Variants in TBXAS1 observed in about 807,000 individuals in gnomAD.
The protein encoded by TBXAS1 is thromboxane A synthase 1.
A neutral mutation model predicts 60.7 loss-of-function variants in TBXAS1; 48 were observed. That is an observed-to-expected ratio of 0.79 (90% CI 0.63 to 1.01). TBXAS1 has a LOEUF of 1.01. TBXAS1 is among the 50% of genes least tolerant of loss of function. The probability of loss-of-function intolerance (pLI) is 0.00; values close to 1 mark genes in which losing one functional copy is unlikely to be tolerated. For missense variants in TBXAS1, 685 were observed against 686.3 expected (o/e 1.00, Z 0.02); for synonymous variants, 287 against 269.7 (o/e 1.06, Z -0.63).
intron 1 of TBXAS1, among the ~76,000 whole-genome samples, chr7:139,842,683 G>C (rs1297983470): frequency 6.6e-6 from 1 of 152,238 alleles, no homozygotes; most frequent in East Asian, 1.9e-4. Context: ...GTAGGGGGGT[G>C]TTAGCTGATA....
intron 5 of TBXAS1, among the ~76,000 whole-genome samples, chr7:139,938,153 G>A (rs534442368): frequency 1.4e-3 from 211 of 152,272 alleles, no homozygotes; most frequent in African/African-American, 5.0e-3. Context: ...ATCGGGGCTG[G>A]CCCGCGGCCC....
intron 9 of TBXAS1, among the ~76,000 whole-genome samples, chr7:139,984,591 CA>C (rs1406412882): frequency 1.4e-5 from 1 of 71,474 alleles, no homozygotes; most frequent in African/African-American, 5.5e-5. Context: ...TCCTAGGGAT[CA>C]AAAATAAAAA....
chr7:139,910,012 C>T lies in TBXAS1; in HGVS notation c.237-1213C>T, dbSNP rs117967047. On this transcript the variant is annotated intron_variant, in intron 3 of 12. Transcript: ENST00000448866. ...TCCTTTGTCACCCCTTATTCCTGGACTAACTTTTGCTCATCTTCCAGAACT... is the reference window on the plus strand; with the variant it reads ...TCCTTTGTCACCCCTTATTCCTGGATTAACTTTTGCTCATCTTCCAGAACT... Among the ~76,000 whole-genome samples, 1,177 of 152,278 alleles carry T rather than the reference C, an allele frequency of 7.7e-3. 15 individuals carry two copies. The highest frequency in any genetic ancestry group is 0.031 in the Middle Eastern group (9 of 294).
chr7:139,993,892 C>CTTTTTTTTTTTTTT (rs71170931), intron 9 of TBXAS1, among the ~76,000 whole-genome samples: 13 of 111,696 alleles, frequency 1.2e-4, no homozygotes, highest in Non-Finnish European at 1.9e-4. Flanking sequence ...TTCTTTCTTT[C>CTTTTTTTTTTTTTT]TTTTTTTTTT....
At chr7:140,010,767 G>C (rs73734178) in intron 10 of TBXAS1, among the ~76,000 whole-genome samples, 13,361 of 152,202 alleles carry the variant, frequency 0.088, 1,031 homozygotes, top group African/African-American at 0.21. Context: ...TCATAACAGA[G>C]AGGGAGCAGC....
intron 1 of TBXAS1, among the ~76,000 whole-genome samples, chr7:139,844,037 T>C (rs1799640789): frequency 6.6e-6 from 1 of 152,246 alleles, no homozygotes; most frequent in South Asian, 2.1e-4. Context: ...TGGTGTGCTA[T>C]GGATAACATT....
At chr7:140,016,061 G>A (rs1398354375) in intron 11 of TBXAS1, among the ~76,000 whole-genome samples, 1 of 152,166 alleles carries the variant, frequency 6.6e-6, no homozygotes, top group Non-Finnish European at 1.5e-5. Context: ...ACGCGTGGTG[G>A]CTCATGCCTG....
At chr7:139,892,136 A>T (rs1418004460) in intron 3 of TBXAS1, among the ~76,000 whole-genome samples, 2 of 151,914 alleles carry the variant, frequency 1.3e-5, no homozygotes, top group African/African-American at 2.4e-5. Flanking sequence ...CTCATATCCT[A>T]CTCCCGAAGA....
chr7:139,810,265 G>A (rs1165673105), intron 4 of TBXAS1, among the ~76,000 whole-genome samples: 1 of 152,016 alleles, frequency 6.6e-6, no homozygotes, highest in African/African-American at 2.4e-5. Flanking sequence ...TCAAACTTGT[G>A]AGCTCAAAAC....
rs1809623733 is a variant in TBXAS1, at chr7:139,953,884, G to GTAA, written c.539+428_539+429insTAA. On this transcript the variant is annotated intron_variant, in intron 6 of 12. Transcript: ENST00000448866. Reference sequence around the variant, plus strand: ...GTCATTTTGTAACTAAAAGGTTTTTGCTTTAAAAAAACATCTTTAGTCTAA... The same window carrying GTAA: ...GTCATTTTGTAACTAAAAGGTTTTTGTAACTTTAAAAAAACATCTTTAGTCTAA... 3.9e-5 allele frequency among the ~76,000 whole-genome samples: 6 copies of GTAA among 152,254 alleles called. No homozygotes were observed. The East Asian group carries it at 1.2e-3, about 29-fold the overall frequency.
chr7:140,007,607 C>G (rs1814193776), intron 10 of TBXAS1, among the ~76,000 whole-genome samples: 1 of 152,204 alleles, frequency 6.6e-6, no homozygotes, highest in South Asian at 2.1e-4. Context: ...GATCTTGGAG[C>G]TGGCATTCAG....
intron 1 of TBXAS1, among the ~76,000 whole-genome samples, chr7:139,836,442 A>C (rs1249473063): frequency 6.6e-6 from 1 of 152,224 alleles, no homozygotes; most frequent in African/African-American, 2.4e-5. Flanking sequence ...CATCACCCAA[A>C]CAGCATGGTA....
intron 4 of TBXAS1, among the ~76,000 whole-genome samples, chr7:139,821,150 G>A (rs1358054170): frequency 6.6e-6 from 1 of 152,204 alleles, no homozygotes; most frequent in East Asian, 1.9e-4. Flanking sequence ...GAGAAGTCAA[G>A]GATGATCCCA....
intron 9 of TBXAS1, among the ~76,000 whole-genome samples, chr7:139,979,756 A>C (rs1363979893): frequency 6.9e-6 from 1 of 145,034 alleles, no homozygotes; most frequent in Admixed American, 6.8e-5. Flanking sequence ...AATAATAATA[A>C]TAATAATAAT....
intron 2 of TBXAS1, among the ~76,000 whole-genome samples, chr7:139,874,947 T>C (rs1386992574): frequency 6.6e-6 from 1 of 152,054 alleles, no homozygotes; most frequent in Non-Finnish European, 1.5e-5. Flanking sequence ...ATACAAAAAT[T>C]AGCTGGGTGT....
chr7:139,975,353 G>T lies in TBXAS1; in HGVS notation c.1134+13120G>T, dbSNP rs2117469556. On this transcript the variant is annotated intron_variant, in intron 9 of 12. Coordinates refer to ENST00000448866, the MANE Select transcript of TBXAS1 (RefSeq NM_001061.7). This position sits in a 1 kb window ranked among gnomAD's most constrained non-coding sequence, Gnocchi z 4.4. ...GATAATACCCTAGGACAGGGCCTAGGTCGGATTGGCACTCACGTTTCCCGA... is the reference window on the plus strand; with the variant it reads ...GATAATACCCTAGGACAGGGCCTAGTTCGGATTGGCACTCACGTTTCCCGA... 6.6e-6 allele frequency among the ~76,000 whole-genome samples: 1 copy of T among 152,274 alleles called. No individual in the cohort carries two copies. The highest frequency in any genetic ancestry group is 1.9e-4 in the East Asian group (1 of 5,178).
At chr7:139,895,775 C>T (rs559244871) in intron 3 of TBXAS1, among the ~76,000 whole-genome samples, 17 of 152,318 alleles carry the variant, frequency 1.1e-4, no homozygotes, top group Admixed American at 7.8e-4. Flanking sequence ...TGCTGAGCTT[C>T]CCCACAGAGG....
At chr7:139,830,677 G>A (rs1315720314) in intron 1 of TBXAS1, among the ~76,000 whole-genome samples, 2 of 152,068 alleles carry the variant, frequency 1.3e-5, no homozygotes, top group African/African-American at 2.4e-5. Flanking sequence ...TATGCTCCGG[G>A]AAGCCCGAAG....
chr7:139,910,327 T>G (rs983978175), intron 3 of TBXAS1, among the ~76,000 whole-genome samples: 2 of 152,138 alleles, frequency 1.3e-5, no homozygotes, highest in African/African-American at 4.8e-5. Flanking sequence ...ATCCATATTT[T>G]CATTAATGTC....
Sources: allele counts gnomAD v4.1 joint callset (sites outside exome capture counted in the v4.1 genomes callset), GRCh38; gene constraint gnomAD v4.1.1; non-coding constraint Gnocchi (gnomAD v3.1); transcripts MANE v1.5; gene names NCBI Gene and HGNC (gene_info 2026-07-23, HGNC 2026-07-21).